The following EPHA6 variants were observed in gnomAD, a reference collection of about 807,000 sequenced individuals.
EPHA6 encodes the protein EPH receptor A6.
Under a neutral mutation model 112.0 loss-of-function variants are expected in EPHA6, and 50 were observed. That is an observed-to-expected ratio of 0.45 (90% CI 0.36 to 0.56). The LOEUF (loss-of-function observed/expected upper bound fraction) is 0.56, where lower values mean the gene tolerates loss of function less well. Ranked by LOEUF, EPHA6 falls within the 20% of genes least tolerant of loss-of-function variation. The pLI, the probability that EPHA6 is intolerant of heterozygous loss-of-function variation, is 0.00. For missense variants in EPHA6, 1,280 were observed against 1,417.4 expected (o/e 0.90, Z 1.56); for synonymous variants, 529 against 490.7 (o/e 1.08, Z -1.03).
chr3:96,932,693 C>T (rs1003383045), intron 2 of EPHA6, among the ~76,000 whole-genome samples: 5 of 152,120 alleles, frequency 3.3e-5, no homozygotes, highest in South Asian at 2.1e-4. Context: ...TTTGGAAAGC[C>T]GGAGAGTTAG....
chr3:96,923,402 G>C (rs978416671), intron 2 of EPHA6, among the ~76,000 whole-genome samples: 1 of 152,002 alleles, frequency 6.6e-6, no homozygotes, highest in South Asian at 2.1e-4. Flanking sequence ...ATGTTGAAAA[G>C]TTTTTTACAT....
intron 3 of EPHA6, among the ~76,000 whole-genome samples, chr3:97,023,875 G>A (rs1169450625): frequency 6.6e-6 from 1 of 152,128 alleles, no homozygotes; most frequent in Non-Finnish European, 1.5e-5. Context: ...TTCATACTCT[G>A]AAATTGATTT....
intron 16 of EPHA6, among the ~76,000 whole-genome samples, chr3:97,739,479 C>T (rs1338268257): frequency 6.6e-6 from 1 of 152,038 alleles, no homozygotes; most frequent in African/African-American, 2.4e-5. Context: ...CCATGAAATC[C>T]ACAGTTTAAT....
intron 4 of EPHA6, among the ~76,000 whole-genome samples, chr3:97,228,352 T>C (rs2078420971): frequency 6.6e-6 from 1 of 151,990 alleles, no homozygotes; most frequent in Non-Finnish European, 1.5e-5. Flanking sequence ...CAAATTCCAT[T>C]ATATCATTCT....
chr3:97,115,403 C>T (rs1319813029), intron 3 of EPHA6, among the ~76,000 whole-genome samples: 4 of 151,688 alleles, frequency 2.6e-5, no homozygotes, highest in African/African-American at 9.7e-5. Flanking sequence ...TGGGGAATTA[C>T]TGGAGTGAAT....
chr3:96,869,178 A>G (rs1357903258), intron 2 of EPHA6, among the ~76,000 whole-genome samples: 2 of 152,056 alleles, frequency 1.3e-5, no homozygotes, highest in African/African-American at 2.4e-5. Context: ...TCTATGCCAA[A>G]TACCCTGTTA....
At chr3:97,138,713 A>T (rs2075823158) in intron 3 of EPHA6, among the ~76,000 whole-genome samples, 1 of 152,180 alleles carries the variant, frequency 6.6e-6, no homozygotes, top group Non-Finnish European at 1.5e-5. Context: ...TACAGAAAAG[A>T]TCATGGTGTG....
chr3:97,747,220 G>A (rs1055334481), intron 16 of EPHA6, among the ~76,000 whole-genome samples: 12 of 152,056 alleles, frequency 7.9e-5, no homozygotes, highest in Admixed American at 7.2e-4. Context: ...AGACAAAAGT[G>A]TTCCACCAGA....
intron 15 of EPHA6, among the ~76,000 whole-genome samples, chr3:97,727,198 AT>A (rs2034812038): frequency 6.6e-6 from 1 of 151,774 alleles, no homozygotes; most frequent in African/African-American, 2.4e-5. Context: ...GTTTTCATTT[AT>A]TTTTCCCTCC....
rs115953545 is a variant in EPHA6, at chr3:97,002,155, A to G, written c.1114+14162A>G. ...ATATTCTTTATGTTTACAATTAAAT[A>G]TTTTTAATAAAATTAAATGTAAAAA... On this transcript the variant is annotated intron_variant, in intron 3 of 17. Coordinates refer to ENST00000389672, the MANE Select transcript of EPHA6 (RefSeq NM_001080448.3). 3.0e-3 allele frequency among the ~76,000 whole-genome samples: 450 copies of G among 151,956 alleles called. 4 individuals carry two copies. Among genetic ancestry groups the G allele is most frequent in the African/African-American group, 9.8e-3 (407 of 41,558 alleles).
chr3:97,215,296 T>C (rs969260786), intron 3 of EPHA6, among the ~76,000 whole-genome samples: 9 of 152,256 alleles, frequency 5.9e-5, no homozygotes, highest in African/African-American at 1.9e-4. Flanking sequence ...ATTCATTTCT[T>C]ATTTTTTGTT....
chr3:97,377,693 T>G (rs2085452297), intron 5 of EPHA6, among the ~76,000 whole-genome samples: 1 of 152,186 alleles, frequency 6.6e-6, no homozygotes, highest in South Asian at 2.1e-4. Flanking sequence ...TGTTGGGAAC[T>G]GGAGCAAAGG....
At chr3:97,219,865 C>G (rs1441053176) in intron 3 of EPHA6, among the ~76,000 whole-genome samples, 1 of 152,134 alleles carries the variant, frequency 6.6e-6, no homozygotes, top group East Asian at 1.9e-4. Flanking sequence ...GCTCTACTTC[C>G]CTTTTAAACG....
At chr3:97,429,364 G>A (rs1234058629) in intron 6 of EPHA6, among the ~76,000 whole-genome samples, 2 of 151,980 alleles carry the variant, frequency 1.3e-5, no homozygotes, top group African/African-American at 4.8e-5. Context: ...ATCCCCGGTG[G>A]CAGAGTGAAT....
chr3:96,952,303 G>A (rs9816063), intron 2 of EPHA6, among the ~76,000 whole-genome samples: 7,231 of 152,212 alleles, frequency 0.048, 499 homozygotes, highest in African/African-American at 0.15. Context: ...TGAAACTCAT[G>A]TTGCAATGTA....
intron 3 of EPHA6, chr3:97,010,004 G>T (rs1317256032): frequency 1.3e-4 from 128 of 951,134 alleles, no homozygotes; most frequent in Non-Finnish European, 1.8e-4. Flanking sequence ...TTTTTGATAG[G>T]AGCCTCCAAA....
At chr3:97,643,213 A>C (rs1370611205) in intron 14 of EPHA6, among the ~76,000 whole-genome samples, 2 of 148,906 alleles carry the variant, frequency 1.3e-5, no homozygotes, top group Admixed American at 6.7e-5. Flanking sequence ...TGAAGGAGAA[A>C]TAAAATACTT....
At chr3:97,551,926 T>G (rs1315295805) in intron 11 of EPHA6, among the ~76,000 whole-genome samples, 1 of 152,150 alleles carries the variant, frequency 6.6e-6, no homozygotes, top group Non-Finnish European at 1.5e-5. Flanking sequence ...GAGAATATAC[T>G]GAGATTTCTT....
chr3:97,436,767 T>G (rs1417910112), intron 6 of EPHA6, among the ~76,000 whole-genome samples: 1 of 152,190 alleles, frequency 6.6e-6, no homozygotes, highest in African/African-American at 2.4e-5. Flanking sequence ...CAAAAGACAG[T>G]TTTGGATGCC....
Sources: gnomAD v4.1 joint callset for allele counts (sites outside exome capture counted in the v4.1 genomes callset) on GRCh38, gnomAD v4.1.1 for gene constraint, MANE v1.5 for transcripts, NCBI Gene and HGNC (gene_info 2026-07-23, HGNC 2026-07-21) for gene names.